KCNH7: variants seen among roughly 807,000 people sequenced by gnomAD.
KCNH7 encodes voltage-gated inwardly rectifying potassium channel KCNH7.
A neutral mutation model predicts 120.8 loss-of-function variants in KCNH7; 49 were observed. The observed-to-expected ratio is 0.41, with a 90% CI of 0.32 to 0.51. The LOEUF (loss-of-function observed/expected upper bound fraction) is 0.51, where lower values mean the gene tolerates loss of function less well. Among genes scored for constraint, KCNH7 ranks in the 20% least tolerant of loss-of-function variants. The pLI is 0.38. For missense variants in KCNH7, 1,097 were observed against 1,446.6 expected, an observed-to-expected ratio of 0.76 and a Z score of 3.92; for synonymous variants, 547 against 516.1, an observed-to-expected ratio of 1.06 and a Z score of -0.81.
intron 2 of KCNH7, among the ~76,000 whole-genome samples, chr2:162,581,010 T>C (rs1341654396): frequency 6.6e-6 from 1 of 152,114 alleles, no homozygotes; most frequent in Non-Finnish European, 1.5e-5. Context: ...GAAGTATTTA[T>C]TGGCATTGCT....
intron 6 of KCNH7, among the ~76,000 whole-genome samples, chr2:162,481,049 G>A (rs1209499105): frequency 1.3e-5 from 2 of 152,078 alleles, no homozygotes; most frequent in Non-Finnish European, 2.9e-5. Context: ...TGTCGACAAT[G>A]ATTCTTCTGG....
chr2:162,836,901 A>G, intron 1 of KCNH7, 134 bp from the exon 2 acceptor site: 1 of 570,326 alleles, frequency 1.8e-6, no homozygotes, highest in African/African-American at 1.9e-5. Flanking sequence ...TCCAGCCCTT[A>G]TGAAAAAAGA....
intron 6 of KCNH7, among the ~76,000 whole-genome samples, chr2:162,491,928 G>C (rs1290863489): frequency 6.6e-6 from 1 of 152,048 alleles, no homozygotes; most frequent in Non-Finnish European, 1.5e-5. Context: ...TTCGTGGATG[G>C]GTAATTGTGT....
chr2:162,386,003 TG>T (rs1686560290), intron 12 of KCNH7, among the ~76,000 whole-genome samples: 1 of 151,804 alleles, frequency 6.6e-6, no homozygotes, highest in Admixed American at 6.6e-5. Flanking sequence ...TAAAAATCAG[TG>T]TTATGCGAAA....
intron 2 of KCNH7, among the ~76,000 whole-genome samples, chr2:162,790,151 A>C (rs555207118): frequency 6.6e-6 from 1 of 152,082 alleles, no homozygotes; most frequent in Non-Finnish European, 1.5e-5. Flanking sequence ...AAAAGGAAGC[A>C]TAACCACTGA....
intron 6 of KCNH7, among the ~76,000 whole-genome samples, chr2:162,449,960 A>T (rs1457160908): frequency 6.6e-6 from 1 of 152,110 alleles, no homozygotes; most frequent in Non-Finnish European, 1.5e-5. Context: ...GTAGATCAAA[A>T]ATGATTGAAA....
At chr2:162,631,555 T>C (rs1190200750) in intron 2 of KCNH7, among the ~76,000 whole-genome samples, 5 of 152,074 alleles carry the variant, frequency 3.3e-5, no homozygotes. Context: ...TTTAAAATAT[T>C]GAATTACAGA....
intron 2 of KCNH7, among the ~76,000 whole-genome samples, chr2:162,833,434 A>G (rs1387401574): frequency 2.0e-5 from 3 of 152,180 alleles, no homozygotes; most frequent in Non-Finnish European, 4.4e-5. Context: ...CCATCCTTAT[A>G]TAAGTCATAG....
intron 6 of KCNH7, among the ~76,000 whole-genome samples, chr2:162,464,260 A>C (rs1480898472): frequency 6.6e-6 from 1 of 151,976 alleles, no homozygotes; most frequent in African/African-American, 2.4e-5. Flanking sequence ...CCTAGGAGGC[A>C]ATTTCTCTTG....
At chr2:162,759,098 C>T (rs1309994784) in intron 2 of KCNH7, among the ~76,000 whole-genome samples, 1 of 152,026 alleles carries the variant, frequency 6.6e-6, no homozygotes, top group Non-Finnish European at 1.5e-5. Flanking sequence ...AAGATTGGGC[C>T]TGGGTTTCTT....
At chr2:162,432,029 T>C (rs1218306998) in intron 8 of KCNH7, among the ~76,000 whole-genome samples, 1 of 152,020 alleles carries the variant, frequency 6.6e-6, no homozygotes, top group Non-Finnish European at 1.5e-5. Flanking sequence ...CTTAAGTGCA[T>C]TTTTAAAAGT....
At chr2:162,480,045 T>A (rs1031758572) in intron 6 of KCNH7, among the ~76,000 whole-genome samples, 1 of 152,180 alleles carries the variant, frequency 6.6e-6, no homozygotes, top group African/African-American at 2.4e-5. Context: ...ATGAAGCTAT[T>A]TTAAGACATT....
chr2:162,555,325 GAAGAT>G (rs1212042859), intron 2 of KCNH7, among the ~76,000 whole-genome samples: 1 of 152,178 alleles, frequency 6.6e-6, no homozygotes, highest in Non-Finnish European at 1.5e-5. Flanking sequence ...TAAAGGGATT[GAAGAT>G]AAGAGACAAG....
chr2:162,416,144 A>G (rs944817888), intron 9 of KCNH7, among the ~76,000 whole-genome samples: 2 of 152,058 alleles, frequency 1.3e-5, no homozygotes, highest in African/African-American at 4.8e-5. Context: ...TAATCCCACC[A>G]CTTTGGGAGT....
chr2:162,379,927 G>T lies in KCNH7; in HGVS notation c.3057C>A (p.Ile1019=). 2.5e-6 allele frequency: 4 copies of T among 1,614,058 alleles called. No individual in the cohort carries two copies. Among genetic ancestry groups the T allele is most frequent in the Non-Finnish European group, 3.4e-6 (4 of 1,179,956 alleles). Residue 1019 remains isoleucine, a synonymous_variant, in exon 14 of 16, where the codon ATC becomes ATA. Transcript: ENST00000332142. The part of the protein sequence containing the change: ...PSALQRAAWG[I]SETESDLTYG... Reference sequence around the variant, plus strand: ...AGGTGAGGTCGCTTTCGGTTTCAGAGATACCCCAGGCAGCTCGCTGAAGTG... The same window carrying T: ...AGGTGAGGTCGCTTTCGGTTTCAGATATACCCCAGGCAGCTCGCTGAAGTG...
chr2:162,375,913 A>AAAG, intron 14 of KCNH7, among the ~76,000 whole-genome samples: 1 of 149,820 alleles, frequency 6.7e-6, no homozygotes, highest in African/African-American at 2.5e-5. Context: ...AAAAAAAAAG[A>AAAG]AAAAAAAGAG....
intron 2 of KCNH7, among the ~76,000 whole-genome samples, chr2:162,732,883 GATTTTGCCTGAAACAAT>G (rs1162382400): frequency 1.3e-5 from 2 of 152,156 alleles, no homozygotes; most frequent in African/African-American, 4.8e-5. Flanking sequence ...CAGTGAGCCA[GATTTTGCCTGAAACAAT>G]GTTTTGTTAA....
intron 6 of KCNH7, among the ~76,000 whole-genome samples, chr2:162,456,660 G>C (rs1266210709): frequency 6.6e-6 from 1 of 152,122 alleles, no homozygotes; most frequent in Non-Finnish European, 1.5e-5. Flanking sequence ...AGGTCTCTAA[G>C]AACTTGTTTT....
At chr2:162,472,788 A>G (rs527935698) in intron 6 of KCNH7, among the ~76,000 whole-genome samples, 1 of 152,242 alleles carries the variant, frequency 6.6e-6, no homozygotes, top group Non-Finnish European at 1.5e-5. Flanking sequence ...ACACATGCAC[A>G]TGTATGTTTA....
Sources: gnomAD v4.1 joint callset for allele counts (sites outside exome capture counted in the v4.1 genomes callset) on GRCh38, gnomAD v4.1.1 for gene constraint, MANE v1.5 for transcripts, NCBI Gene and HGNC (gene_info 2026-07-23, HGNC 2026-07-21) for gene names.